The following DMXL1 variants were observed in gnomAD, a reference collection of about 807,000 sequenced individuals.
DMXL1 encodes Dmx like 1.
DMXL1 carries 99 observed loss-of-function variants against 319.2 expected under a neutral mutation model. The observed-to-expected ratio is 0.31, with a 90% CI of 0.26 to 0.37. DMXL1 has a LOEUF of 0.37. DMXL1 is among the 10% of genes least tolerant of loss of function. The pLI is 1.00. For synonymous variants in DMXL1, 1,385 were observed against 1,235.2 expected, an observed-to-expected ratio of 1.12 and a Z score of -2.54; for missense variants, 3,745 against 3,595.6, an observed-to-expected ratio of 1.04 and a Z score of -1.06.
At chr5:119,155,608 G>A (rs1770839859) in intron 19 of DMXL1, among the ~76,000 whole-genome samples, 1 of 152,142 alleles carries the variant, frequency 6.6e-6, no homozygotes. Context: ...GGATATTGAG[G>A]TGGGAGGATC....
rs3797338 is a variant in DMXL1 at position 119,248,126 on chromosome 5, T to G, written c.*907T>G. ...AGTAAGTTTGTGAATTTGTCAACTT[T>G]CGAGCATCAAACAAATATTTTACTT... is the stretch of plus-strand genomic sequence containing the variant. On this transcript the variant is annotated 3_prime_UTR_variant, in exon 44 of 44. Coordinates refer to ENST00000539542, the MANE Select transcript of DMXL1 (RefSeq NM_001290321.3). The G allele has an allele frequency of 1.2e-3, 189 of 152,424 alleles. 2 individuals are homozygous for G. The highest frequency in any genetic ancestry group is 4.3e-3 in the African/African-American group (178 of 41,576). 9.4% of individuals were successfully genotyped at this position (152,424 alleles called of 1,614,324 possible).
rs1305096451 is a variant in DMXL1, at chr5:119,220,969, G to A, written c.8165G>A (p.Arg2722His). The A allele has an allele frequency of 4.3e-6, 7 of 1,613,352 alleles. No homozygotes were observed. Among genetic ancestry groups the A allele is most frequent in the African/African-American group, 1.3e-5 (1 of 74,906 alleles). The change falls in exon 37 of 44, where the codon CGT becomes CAT. Residue 2722 changes from arginine to histidine, a missense_variant. Around this residue, in one of 4 missense-constraint regions of DMXL1, gnomAD observed 1,382 missense variants for 1,269.5 expected, o/e 1.09. Transcript: ENST00000539542. Reference sequence around the variant, plus strand: ...GAAGATTTCTTGGTTATACATGCTCGTGATGATTTAACAGCTGTTCAAGGT... The same window carrying A: ...GAAGATTTCTTGGTTATACATGCTCATGATGATTTAACAGCTGTTCAAGGT... ...GSEDFLVIHA[R>H]DDLTAVQGTT...
chr5:119,241,121 A>T (rs1440793625), intron 42 of DMXL1, among the ~76,000 whole-genome samples: 1 of 152,164 alleles, frequency 6.6e-6, no homozygotes, highest in African/African-American at 2.4e-5. Context: ...CATATTTTGT[A>T]TATGTGTTTT....
intron 34 of DMXL1, among the ~76,000 whole-genome samples, chr5:119,212,343 A>G (rs1284459743): frequency 6.6e-6 from 1 of 152,234 alleles, no homozygotes; most frequent in Non-Finnish European, 1.5e-5. Context: ...TTCACCAAGC[A>G]TAATGTCTTT....
chr5:119,176,227 T>G (rs1775773740), intron 26 of DMXL1, among the ~76,000 whole-genome samples: 1 of 152,064 alleles, frequency 6.6e-6, no homozygotes, highest in Non-Finnish European at 1.5e-5. Context: ...TAAAAAAAAT[T>G]ATTTTGAGTA....
rs1483036916 is a variant in DMXL1 at position 119,203,307 on chromosome 5, C to T, written c.7746-12C>T. ...TGAAGTTTATCATTAAATTTGCTGTCTCTCTCTGTAGATCCAAACACCATC... is the reference window on the plus strand; with the variant it reads ...TGAAGTTTATCATTAAATTTGCTGTTTCTCTCTGTAGATCCAAACACCATC... On this transcript the variant is annotated splice_polypyrimidine_tract_variant and intron_variant, in intron 32 of 43. Transcript: ENST00000539542. The T allele has an allele frequency of 2.0e-6, 3 of 1,518,822 alleles. No individual in the cohort carries two copies. Among genetic ancestry groups the T allele is most frequent in the East Asian group, 2.3e-5 (1 of 42,906 alleles). The allele number at this position is 1,518,822 out of a possible 1,614,324, so 94.1% of individuals were successfully genotyped here. A position where few individuals can be genotyped will look rare whatever the true frequency, so the allele number is the denominator to read the frequency against.
rs375885161 is a variant in DMXL1, at chr5:119,144,537, A to G, written c.2468A>G (p.His823Arg). 4.3e-5 allele frequency: 68 copies of G among 1,595,716 alleles called. No individual in the cohort carries two copies. The highest frequency in any genetic ancestry group is 5.3e-5 in the Non-Finnish European group (62 of 1,172,170). The change falls in exon 15 of 44, where the codon CAT becomes CGT. Residue 823 changes from histidine (H) to arginine (R), a missense_variant and splice_region_variant. Physicochemically the swap from His to Arg is conservative, Grantham distance 29. Coordinates refer to ENST00000539542, the MANE Select transcript of DMXL1 (RefSeq NM_001290321.3). ...IIALDPITKLHGRKTQLLHVF... is the reference protein window; with the variant it reads ...IIALDPITKLRGRKTQLLHVF... ...ACGTTGATATTTATTTATATTCAGCATGGCAGAAAAACCCAACTGCTTCAT... is the reference window on the plus strand; with the variant it reads ...ACGTTGATATTTATTTATATTCAGCGTGGCAGAAAAACCCAACTGCTTCAT...
At chr5:119,119,136 T>A in intron 8 of DMXL1, 132 bp downstream of exon 8, 1 of 581,172 alleles carries the variant, frequency 1.7e-6, no homozygotes, top group East Asian at 3.2e-5. Flanking sequence ...CAGTTCTATT[T>A]GGTTCAAAAA....
At position 119,133,300 on chromosome 5, in the gene DMXL1, G is replaced by C. The variant is rs756636555; in HGVS notation, c.1484G>C (p.Ser495Thr). The C allele has an allele frequency of 6.2e-7, 1 of 1,614,086 alleles. No homozygotes were observed. ...AGTAAAAATGCAGATATGCTATTTAGTATTCATCCCATGGATGGTTCTTTG... is the reference window on the plus strand; with the variant it reads ...AGTAAAAATGCAGATATGCTATTTACTATTCATCCCATGGATGGTTCTTTG... ...EWSKNADMLF[S>T]IHPMDGSLLV... The change falls in exon 11 of 44, where the codon AGT becomes ACT. Residue 495 changes from serine (S) to threonine (T), a missense_variant. Around this residue, in one of 4 missense-constraint regions of DMXL1, gnomAD observed 2,096 missense variants for 1,985.4 expected, o/e 1.06. Coordinates refer to ENST00000539542, the MANE Select transcript of DMXL1 (RefSeq NM_001290321.3).
intron 5 of DMXL1, among the ~76,000 whole-genome samples, chr5:119,114,073 A>G (rs950448765): frequency 6.6e-6 from 1 of 152,226 alleles, no homozygotes; most frequent in Non-Finnish European, 1.5e-5. Flanking sequence ...TAACCCACAC[A>G]TAATCTTTAA....
At chr5:119,071,824 C>A (rs1749651227) in intron 1 of DMXL1, among the ~76,000 whole-genome samples, 168 bp downstream of exon 1, 1 of 152,028 alleles carries the variant, frequency 6.6e-6, no homozygotes, top group African/African-American at 2.4e-5. Context: ...GGAAGCAAAA[C>A]CATGTCGGTC....
chr5:119,184,549 G>A (rs1269236375), intron 28 of DMXL1, among the ~76,000 whole-genome samples: 4 of 152,106 alleles, frequency 2.6e-5, no homozygotes, highest in African/African-American at 7.2e-5. Context: ...CCATTTTTAA[G>A]TATATAGTTT....
rs146373954 is a variant in DMXL1 at position 119,171,184 on chromosome 5, A to T, written c.6393A>T (p.Arg2131Ser). 6.2e-7 allele frequency: 1 copy of T among 1,613,956 alleles called. No individual in the cohort carries two copies. Among genetic ancestry groups the T allele is most frequent in the Non-Finnish European group, 8.5e-7 (1 of 1,179,884 alleles). ...TCTTGAAGTATCAGTCACTTTTGAG[A>T]ATGTTTCTTAGTTACTGCATACTTC... ...QWLLKYQSLL[R>S]MFLSYCILHG... Residue 2131 changes from arginine (R) to serine (S), a missense_variant, in exon 24 of 44, where the codon AGA (arginine) becomes AGT (serine). This residue lies in a region of DMXL1 where 1,382 missense variants were observed against 1,269.5 expected (regional missense o/e 1.09). Coordinates refer to ENST00000539542, the MANE Select transcript of DMXL1 (RefSeq NM_001290321.3).
rs1436242231 is a variant in DMXL1 at position 119,171,102 on chromosome 5, C to T, written c.6311C>T (p.Pro2104Leu). The stretch of plus-strand genomic sequence containing the variant: ...TTAAATGAGGATGCTGAAGATTTGC[C>T]TCACCAAACAAAAGTGAAACAACTG... ...FGLNEDAEDL[P>L]HQTKVKQLRE... Residue 2104 changes from proline (P) to leucine (L), a missense_variant, in exon 24 of 44, where the codon CCT becomes CTT. Pro to Leu is a moderately conservative substitution (Grantham distance 98, BLOSUM62 -3). This residue lies in a region of DMXL1 where 1,382 missense variants were observed against 1,269.5 expected (regional missense o/e 1.09). Coordinates refer to ENST00000539542, the MANE Select transcript of DMXL1 (RefSeq NM_001290321.3). 1 of 1,613,616 alleles carries T rather than the reference C, an allele frequency of 6.2e-7. No individual in the cohort carries two copies. Among genetic ancestry groups the T allele is most frequent in the East Asian group, 2.2e-5 (1 of 44,874 alleles).
chr5:119,136,137 G>C (rs1388134266), intron 13 of DMXL1, among the ~76,000 whole-genome samples: 2 of 152,220 alleles, frequency 1.3e-5, no homozygotes, highest in Admixed American at 6.5e-5. Context: ...CTGGAGCAAA[G>C]ATCACTCATG....
chr5:119,182,127 G>A (rs939422708), intron 28 of DMXL1, among the ~76,000 whole-genome samples: 4 of 152,160 alleles, frequency 2.6e-5, no homozygotes, highest in African/African-American at 9.7e-5. Context: ...CATAATCATT[G>A]ATGTGCCAAG....
At chr5:119,110,541 A>G (rs2149848182) in intron 5 of DMXL1, among the ~76,000 whole-genome samples, 1 of 152,356 alleles carries the variant, frequency 6.6e-6, no homozygotes, top group East Asian at 1.9e-4. Context: ...TTGCCAAATT[A>G]TATGAAAAGA....
Position 119,171,956 on chromosome 5 carries a change from T to C in DMXL1, c.6668T>C (p.Ile2223Thr). The C allele has an allele frequency of 6.2e-7, 1 of 1,611,400 alleles. No homozygotes were observed. Among genetic ancestry groups the C allele is most frequent in the Admixed American group, 1.7e-5 (1 of 59,650 alleles). Residue 2223 changes from isoleucine to threonine, a missense_variant, in exon 25 of 44, where the codon ATC becomes ACC. Ile to Thr is a moderately conservative substitution (Grantham distance 89). Transcript: ENST00000539542. Reference sequence around the variant, plus strand: ...TTTGATTCACCACCCCACCCTGATATCCAAAGCAATAAAGTAAGTATGCTT... The same window carrying C: ...TTTGATTCACCACCCCACCCTGATACCCAAAGCAATAAAGTAAGTATGCTT... ...INFDSPPHPD[I>T]QSNKVYVMHT...
chr5:119,159,915 C>A (rs1479993866), intron 19 of DMXL1, among the ~76,000 whole-genome samples: 6 of 152,210 alleles, frequency 3.9e-5, no homozygotes, highest in Admixed American at 3.3e-4. Context: ...TGAGCCACTG[C>A]GCCTAGCCTT....
Sources: gnomAD v4.1 joint callset for allele counts (sites outside exome capture counted in the v4.1 genomes callset) on GRCh38, gnomAD v4.1.1 for gene constraint, gnomAD v4.1.1 regional missense constraint, MANE v1.5 for transcripts, NCBI Gene and HGNC (gene_info 2026-07-23, HGNC 2026-07-21) for gene names.